GRK5: variants seen among roughly 807,000 people sequenced by gnomAD.
GRK5 encodes g protein-coupled receptor kinase GRK5.
Under a neutral mutation model 78.4 loss-of-function variants are expected in GRK5, and 40 were observed. The ratio of observed to expected loss-of-function variants is 0.51; its 90% confidence interval spans 0.40 to 0.66. The LOEUF (loss-of-function observed/expected upper bound fraction) is 0.66. Ranked by LOEUF, GRK5 falls within the 30% of genes least tolerant of loss-of-function variation. The probability of loss-of-function intolerance (pLI) is 0.00; values close to 1 mark genes in which losing one functional copy is unlikely to be tolerated. For synonymous variants in GRK5, 289 were observed against 296.8 expected, an observed-to-expected ratio of 0.97 and a Z score of 0.27; for missense variants, 598 against 759.9, an observed-to-expected ratio of 0.79 and a Z score of 2.50.
At chr10:119,232,630 A>G (rs1405006193) in intron 1 of GRK5, among the ~76,000 whole-genome samples, 1 of 152,000 alleles carries the variant, frequency 6.6e-6, no homozygotes, top group African/African-American at 2.4e-5. Flanking sequence ...ACAAGATCTG[A>G]TGGTTATTAT....
chr10:119,326,991 C>T (rs1850690494), intron 2 of GRK5, among the ~76,000 whole-genome samples: 1 of 151,906 alleles, frequency 6.6e-6, no homozygotes, highest in Non-Finnish European at 1.5e-5. Context: ...GGGCCAGGCC[C>T]AACACAGAGC....
At chr10:119,289,123 T>G (rs938409284) in intron 1 of GRK5, among the ~76,000 whole-genome samples, 1 of 152,228 alleles carries the variant, frequency 6.6e-6, no homozygotes, top group Non-Finnish European at 1.5e-5. Flanking sequence ...AAACTGTGAT[T>G]TTTCAAGATT....
intron 12 of GRK5, 128 bp from the exon 13 acceptor site, chr10:119,447,995 G>A: frequency 8.4e-7 from 1 of 1,193,472 alleles, no homozygotes; most frequent in East Asian, 2.8e-5. Context: ...CAGCCCTGAA[G>A]CAAGACCTTT....
chr10:119,344,247 G>A (rs896155147), intron 2 of GRK5, among the ~76,000 whole-genome samples: 3 of 151,656 alleles, frequency 2.0e-5, no homozygotes, highest in South Asian at 2.1e-4. Flanking sequence ...TGTTACATAC[G>A]TATACATGTG....
intron 1 of GRK5, among the ~76,000 whole-genome samples, chr10:119,325,723 T>G (rs970410450): frequency 2.6e-5 from 4 of 152,168 alleles, no homozygotes; most frequent in African/African-American, 4.8e-5. Context: ...CCATCGCTGT[T>G]TGCGCCTGTG....
chr10:119,445,655 G>C lies in GRK5; in HGVS notation c.1266+1903G>C, dbSNP rs912096446. Among the ~76,000 whole-genome samples the C allele has an allele frequency of 6.6e-6, 1 of 152,184 alleles. No individual in the cohort carries two copies. The highest frequency in any genetic ancestry group is 1.5e-5 in the Non-Finnish European group (1 of 68,028). ...AATGATCTTTGGTCTTGGGAGTCTA[G>C]TCTTAGGCCTCCTTCACGCCCTTGA... On this transcript the variant is annotated intron_variant, in intron 12 of 15. Transcript: ENST00000392870. This position sits in a 1 kb window ranked among gnomAD's most constrained non-coding sequence, Gnocchi z 4.1.
intron 6 of GRK5, 101 bp downstream of exon 6, chr10:119,425,186 T>C: frequency 1.2e-6 from 1 of 808,402 alleles, no homozygotes; most frequent in South Asian, 1.4e-5. Flanking sequence ...GGCTCATGGT[T>C]AAAACAAAAT....
intron 1 of GRK5, among the ~76,000 whole-genome samples, chr10:119,283,180 AC>A (rs1322031778): frequency 1.3e-5 from 2 of 151,844 alleles, no homozygotes; most frequent in African/African-American, 4.8e-5. Context: ...TTTTTTTTAA[AC>A]CAAAAACAAC....
chr10:119,247,127 G>A (rs767835925), intron 1 of GRK5, among the ~76,000 whole-genome samples: 5 of 152,154 alleles, frequency 3.3e-5, no homozygotes, highest in Admixed American at 6.5e-5. Flanking sequence ...GTCCTAGGGC[G>A]TCCAACTCCA....
At chr10:119,369,584 T>A (rs1851512982) in intron 2 of GRK5, among the ~76,000 whole-genome samples, 1 of 152,246 alleles carries the variant, frequency 6.6e-6, no homozygotes, top group African/African-American at 2.4e-5. Context: ...TCCCCTCATT[T>A]GTAAAAACTC....
chr10:119,317,263 C>T (rs528112628), intron 1 of GRK5, among the ~76,000 whole-genome samples: 2 of 152,126 alleles, frequency 1.3e-5, no homozygotes, highest in Non-Finnish European at 2.9e-5. Context: ...CTTCCCATCC[C>T]CAGGGATGAC....
chr10:119,289,905 A>C (rs1849919557), intron 1 of GRK5, among the ~76,000 whole-genome samples: 1 of 152,230 alleles, frequency 6.6e-6, no homozygotes, highest in Non-Finnish European at 1.5e-5. Flanking sequence ...ACACTGTTTT[A>C]AATGTATAGT....
intron 8 of GRK5, among the ~76,000 whole-genome samples, chr10:119,434,077 C>T (rs2133898296): frequency 6.6e-6 from 1 of 152,318 alleles, no homozygotes; most frequent in Non-Finnish European, 1.5e-5. Context: ...TCTCATGAGA[C>T]TTATTCACTA....
At chr10:119,344,963 C>T (rs1851063263) in intron 2 of GRK5, among the ~76,000 whole-genome samples, 1 of 145,666 alleles carries the variant, frequency 6.9e-6, no homozygotes, top group South Asian at 2.2e-4. Flanking sequence ...TCCCTCGCTC[C>T]TTCCTTTCTT....
At chr10:119,348,239 A>G (rs1055228422) in intron 2 of GRK5, among the ~76,000 whole-genome samples, 1 of 152,168 alleles carries the variant, frequency 6.6e-6, no homozygotes, top group South Asian at 2.1e-4. Context: ...GTTTGATGTC[A>G]AAAGCAAAGC....
At chr10:119,321,653 C>T (rs1850587489) in intron 1 of GRK5, among the ~76,000 whole-genome samples, 1 of 152,202 alleles carries the variant, frequency 6.6e-6, no homozygotes, top group African/African-American at 2.4e-5. Flanking sequence ...CATCCACAAA[C>T]TTAATGCTCA....
At chr10:119,322,395 C>T (rs1436899533) in intron 1 of GRK5, among the ~76,000 whole-genome samples, 1 of 152,226 alleles carries the variant, frequency 6.6e-6, no homozygotes, top group African/African-American at 2.4e-5. Context: ...TTAAAAATGT[C>T]TCCAGACATT....
intron 4 of GRK5, among the ~76,000 whole-genome samples, chr10:119,418,045 G>A (rs1333856093): frequency 6.6e-6 from 1 of 152,178 alleles, no homozygotes; most frequent in Non-Finnish European, 1.5e-5. Flanking sequence ...TGAGTCATCG[G>A]GGGTCCCGAG....
Position 119,256,568 on chromosome 10 carries a change from C to A in GRK5, c.52+48599C>A, listed in dbSNP as rs143252361. On this transcript the variant is annotated intron_variant, in intron 1 of 15. Transcript: ENST00000392870. ...GGTACATGGAGTGGGAAGGGGAGGC[C>A]CTGGGCCACAGCACCCCACCCCTCA... is the stretch of plus-strand genomic sequence containing the variant. Among the ~76,000 whole-genome samples the A allele has an allele frequency of 4.6e-5, 7 of 152,126 alleles. No individual in the cohort carries two copies. The East Asian group carries it at 1.4e-3, about 29-fold the overall frequency.
Sources: gnomAD v4.1 joint callset for allele counts (sites outside exome capture counted in the v4.1 genomes callset) on GRCh38, gnomAD v4.1.1 for gene constraint, Gnocchi (gnomAD v3.1) non-coding constraint, MANE v1.5 for transcripts, NCBI Gene and HGNC (gene_info 2026-07-23, HGNC 2026-07-21) for gene names.